The following CDH23 variants were observed in gnomAD, a reference collection of about 807,000 sequenced individuals.
CDH23 encodes cadherin related 23, also known as cadherin-23.
A neutral mutation model predicts 317.1 loss-of-function variants in CDH23; 189 were observed. The observed-to-expected ratio is 0.60, with a 90% CI of 0.53 to 0.67. CDH23 has a LOEUF of 0.67. CDH23 is among the 30% of genes least tolerant of loss of function. The pLI is 0.00. For missense variants in CDH23, 4,401 were observed against 4,592.4 expected (o/e 0.96, Z 1.20); for synonymous variants, 1,839 against 1,876.8 (o/e 0.98, Z 0.52).
intron 6 of CDH23, among the ~76,000 whole-genome samples, chr10:71,524,844 G>A (rs1490691392): frequency 6.6e-6 from 1 of 152,160 alleles, no homozygotes; most frequent in African/African-American, 2.4e-5. Context: ...CTGAAAAAGG[G>A]AAGGAAACAG....
At chr10:71,760,932 A>T (rs371897554) in intron 38 of CDH23, 11 of 1,613,630 alleles carry the variant, frequency 6.8e-6, no homozygotes, top group Non-Finnish European at 5.9e-6. Flanking sequence ...TGCCTGTGGG[A>T]ACAAACAGAA....
intron 30 of CDH23, among the ~76,000 whole-genome samples, chr10:71,728,989 C>T (rs1866938829): frequency 1.3e-5 from 2 of 152,202 alleles, no homozygotes; most frequent in Middle Eastern, 6.8e-3. Context: ...TGCTATCACC[C>T]CTGGCTAATT....
chr10:71,694,391 A>C, intron 21 of CDH23, 132 bp downstream of exon 21: 1 of 694,076 alleles, frequency 1.4e-6, no homozygotes, highest in Non-Finnish European at 2.4e-6. Flanking sequence ...GGCGAAAATG[A>C]ACCCATCAGC....
intron 3 of CDH23, among the ~76,000 whole-genome samples, chr10:71,509,234 C>T (rs1353835201): frequency 6.6e-6 from 1 of 152,194 alleles, no homozygotes; most frequent in Non-Finnish European, 1.5e-5. Flanking sequence ...AAGGGCAGCA[C>T]CTGGTCACTC....
intron 6 of CDH23, among the ~76,000 whole-genome samples, chr10:71,545,671 C>T (rs568406279): frequency 3.3e-5 from 5 of 152,288 alleles, no homozygotes; most frequent in African/African-American, 1.2e-4. Context: ...CTGTTGGCAC[C>T]TTTCATCTAG....
At chr10:71,723,325 A>G (rs1385303723) in intron 28 of CDH23, among the ~76,000 whole-genome samples, 1 of 152,108 alleles carries the variant, frequency 6.6e-6, no homozygotes, top group African/African-American at 2.4e-5. Flanking sequence ...GGGGTCAGCT[A>G]TGGTTCTGCC....
At chr10:71,749,651 A>G (rs1316698730) in intron 38 of CDH23, 1 of 152,350 alleles carries the variant, frequency 6.6e-6, no homozygotes, top group Non-Finnish European at 1.5e-5. Flanking sequence ...CCCCTGGCCC[A>G]GCCCAGGCAG....
chr10:71,456,196 A>G (rs961384283), intron 3 of CDH23, among the ~76,000 whole-genome samples: 1 of 150,030 alleles, frequency 6.7e-6, no homozygotes, highest in East Asian at 1.9e-4. Flanking sequence ...GTTTTGGAGG[A>G]AGGAGGTGAT....
At chr10:71,781,021 T>A (rs941138171) in intron 41 of CDH23, among the ~76,000 whole-genome samples, 1 of 151,552 alleles carries the variant, frequency 6.6e-6, no homozygotes, top group Non-Finnish European at 1.5e-5. Context: ...CAGCAGGAGG[T>A]TGTGGAGGGA....
At chr10:71,754,318 G>A (rs1840078764) in intron 38 of CDH23, among the ~76,000 whole-genome samples, 1 of 147,964 alleles carries the variant, frequency 6.8e-6, no homozygotes, top group Non-Finnish European at 1.5e-5. Flanking sequence ...CCCACTATGG[G>A]GCTTCACGTG....
intron 40 of CDH23, 140 bp downstream of exon 40, chr10:71,778,448 G>A: frequency 8.7e-7 from 1 of 1,142,902 alleles, no homozygotes; most frequent in Non-Finnish European, 1.2e-6. Flanking sequence ...CCTAATCTCA[G>A]CAACTCACTC....
At chr10:71,594,665 G>T (rs778528464) in intron 9 of CDH23, among the ~76,000 whole-genome samples, 1 of 152,152 alleles carries the variant, frequency 6.6e-6, no homozygotes, top group African/African-American at 2.4e-5. Context: ...ATGAGCCACC[G>T]CACCCAGCCT....
At chr10:71,646,897 G>A (rs1862920007) in intron 14 of CDH23, 5 of 1,423,630 alleles carry the variant, frequency 3.5e-6, no homozygotes, top group Non-Finnish European at 3.7e-6. Context: ...ACTCAGTGAG[G>A]GTGGGCTGGG....
intron 6 of CDH23, among the ~76,000 whole-genome samples, chr10:71,534,561 C>G (rs965943096): frequency 7.2e-5 from 11 of 152,206 alleles, no homozygotes; most frequent in Admixed American, 3.9e-4. Flanking sequence ...TCAGAAGAAT[C>G]CTGCCAGCTT....
At chr10:71,589,198 C>T (rs2132438709) in intron 9 of CDH23, among the ~76,000 whole-genome samples, 1 of 152,300 alleles carries the variant, frequency 6.6e-6, no homozygotes, top group Non-Finnish European at 1.5e-5. Context: ...TGGCTCACTG[C>T]AACCTCTGCC....
intron 3 of CDH23, among the ~76,000 whole-genome samples, chr10:71,509,675 G>T (rs148627888): frequency 3.0e-4 from 45 of 152,312 alleles, no homozygotes; most frequent in African/African-American, 1.0e-3. Flanking sequence ...CCAGGGAAAT[G>T]GCACACTCTG....
chr10:71,704,530 G>A (rs143758916), intron 24 of CDH23, among the ~76,000 whole-genome samples: 2 of 152,288 alleles, frequency 1.3e-5, no homozygotes, highest in African/African-American at 4.8e-5. Flanking sequence ...CCTTCTACGT[G>A]GTTGAACTCC....
rs1031173976 is a variant in CDH23 at position 71,573,439 on chromosome 10, C to T, written c.753+2521C>T. On this transcript the variant is annotated intron_variant, in intron 8 of 69. Transcript: ENST00000224721. ...TTTATGCACCCATCAGACATTGATGCGGCTGGTCCCATGTGCAGGCCCCAT... is the reference window on the plus strand; with the variant it reads ...TTTATGCACCCATCAGACATTGATGTGGCTGGTCCCATGTGCAGGCCCCAT... Among the ~76,000 whole-genome samples the T allele has an allele frequency of 1.4e-4, 22 of 152,322 alleles. No homozygotes were observed. The East Asian group carries it at 2.5e-3, about 17-fold the overall frequency.
At chr10:71,645,686 G>A in intron 12 of CDH23, 145 bp from the exon 13 acceptor site, 1 of 910,846 alleles carries the variant, frequency 1.1e-6, no homozygotes, top group Non-Finnish European at 1.8e-6. Context: ...CTCTGGGAAA[G>A]CCCTGCTCTG....
Sources: gnomAD v4.1 joint callset for allele counts (sites outside exome capture counted in the v4.1 genomes callset) on GRCh38, gnomAD v4.1.1 for gene constraint, MANE v1.5 for transcripts, NCBI Gene and HGNC (gene_info 2026-07-23, HGNC 2026-07-21) for gene names.